The following EZH2 variants were observed in gnomAD, a reference collection of about 807,000 sequenced individuals.
The protein encoded by EZH2 is enhancer of zeste 2 polycomb repressive complex 2 subunit.
EZH2 carries 18 observed loss-of-function variants against 98.4 expected under a neutral mutation model. The observed-to-expected ratio is 0.18, with a 90% CI of 0.13 to 0.27. The LOEUF (loss-of-function observed/expected upper bound fraction) is 0.27, where lower values mean the gene tolerates loss of function less well. Ranked by LOEUF, EZH2 falls within the 10% of genes least tolerant of loss-of-function variation. The pLI is 1.00. For synonymous variants in EZH2, 338 were observed against 312.3 expected, an observed-to-expected ratio of 1.08 and a Z score of -0.87; for missense variants, 470 against 935.1, an observed-to-expected ratio of 0.50 and a Z score of 6.49.
intron 4 of EZH2, among the ~76,000 whole-genome samples, chr7:148,832,336 C>T (rs1477478378): frequency 4.6e-5 from 7 of 152,192 alleles, no homozygotes; most frequent in Non-Finnish European, 1.0e-4. Context: ...GCCTCAGCCT[C>T]CCAAAGTGCT....
At chr7:148,818,783 TG>T (rs1805255934) in intron 9 of EZH2, among the ~76,000 whole-genome samples, 1 of 152,104 alleles carries the variant, frequency 6.6e-6, no homozygotes, top group Non-Finnish European at 1.5e-5. Flanking sequence ...TATAAAACAA[TG>T]GTAAGAGCAT....
intron 15 of EZH2, among the ~76,000 whole-genome samples, chr7:148,813,330 T>TA (rs11357223): frequency 5.6e-4 from 82 of 146,158 alleles, no homozygotes; most frequent in East Asian, 2.2e-3. Context: ...TCATCTGCCC[T>TA]AAAAAAAAAA....
At chr7:148,861,731 G>T (rs911988009) in intron 1 of EZH2, among the ~76,000 whole-genome samples, 3 of 151,702 alleles carry the variant, frequency 2.0e-5, no homozygotes, top group Non-Finnish European at 4.4e-5. Context: ...AGCACTTTGC[G>T]GGGCTGAGGC....
intron 1 of EZH2, among the ~76,000 whole-genome samples, chr7:148,857,898 C>G (rs1316793763): frequency 6.6e-6 from 1 of 151,266 alleles, no homozygotes; most frequent in Non-Finnish European, 1.5e-5. Flanking sequence ...ATAACAGAAA[C>G]AAATTTTAAA....
chr7:148,827,679 T>G (rs185577419), intron 6 of EZH2, among the ~76,000 whole-genome samples: 2 of 152,348 alleles, frequency 1.3e-5, no homozygotes, highest in African/African-American at 4.8e-5. Context: ...GAAATTGCTA[T>G]TTCACCCGCC....
chr7:148,877,188 T>C (rs1820288370), intron 1 of EZH2, among the ~76,000 whole-genome samples: 1 of 152,120 alleles, frequency 6.6e-6, no homozygotes, highest in African/African-American at 2.4e-5. Context: ...TATTTGAAAA[T>C]TTGGGGAAGA....
At chr7:148,873,790 T>C (rs1040940129) in intron 1 of EZH2, among the ~76,000 whole-genome samples, 4 of 151,950 alleles carry the variant, frequency 2.6e-5, no homozygotes, top group East Asian at 3.9e-4. Flanking sequence ...ACTTACAATA[T>C]ACAAAAACCT....
At chr7:148,847,155 T>C in intron 2 of EZH2, 27 bp downstream of exon 2, 1 of 1,592,602 alleles carries the variant, frequency 6.3e-7, no homozygotes, top group Non-Finnish European at 8.5e-7. Context: ...AATTGTATAT[T>C]CATTTTCACA....
chr7:148,874,896 CAAA>C (rs546277839), intron 1 of EZH2, among the ~76,000 whole-genome samples: 4 of 81,436 alleles, frequency 4.9e-5, no homozygotes, highest in Non-Finnish European at 5.3e-5. Context: ...GACTCCGTCT[CAAA>C]AAAAAAAAAA....
intron 1 of EZH2, among the ~76,000 whole-genome samples, chr7:148,866,837 T>C (rs1818621194): frequency 6.7e-6 from 1 of 149,410 alleles, no homozygotes; most frequent in Non-Finnish European, 1.5e-5. Context: ...ACCTCAGCCT[T>C]CCAAGTAGCT....
At chr7:148,866,556 A>ATATATATACG (rs1563063346) in intron 1 of EZH2, among the ~76,000 whole-genome samples, 33 of 125,656 alleles carry the variant, frequency 2.6e-4, no homozygotes, top group African/African-American at 5.5e-4. Context: ...ATATATATAC[A>ATATATATACG]TATATACATA....
chr7:148,870,846 T>C (rs950157433), intron 1 of EZH2, among the ~76,000 whole-genome samples: 24 of 152,084 alleles, frequency 1.6e-4, no homozygotes, highest in African/African-American at 5.5e-4. Flanking sequence ...GGAGAATCAC[T>C]TGAACCCAGG....
chr7:148,829,961 T>G, intron 4 of EZH2, 113 bp from the exon 5 acceptor site: 2 of 678,160 alleles, frequency 2.9e-6, no homozygotes, highest in Non-Finnish European at 4.4e-6. Flanking sequence ...TTCTCCAGAT[T>G]TAAAATACTA....
intron 1 of EZH2, among the ~76,000 whole-genome samples, chr7:148,854,306 G>C (rs890804147): frequency 4.6e-5 from 7 of 152,004 alleles, no homozygotes; most frequent in African/African-American, 1.7e-4. Flanking sequence ...CGTGGTGGCG[G>C]GCACCTGTAG....
intron 8 of EZH2, among the ~76,000 whole-genome samples, chr7:148,823,466 C>T (rs1427683950): frequency 6.6e-6 from 1 of 152,090 alleles, no homozygotes; most frequent in Admixed American, 6.6e-5. Flanking sequence ...AGCCTGAATG[C>T]TATGCCACCA....
chr7:148,864,944 C>G (rs904225653), intron 1 of EZH2, among the ~76,000 whole-genome samples: 2 of 151,746 alleles, frequency 1.3e-5, no homozygotes, highest in Admixed American at 6.6e-5. Flanking sequence ...CTGGCCAACA[C>G]GGTAAAACCC....
chr7:148,882,078 A>C (rs754603682), intron 1 of EZH2, among the ~76,000 whole-genome samples: 1 of 152,266 alleles, frequency 6.6e-6, no homozygotes, highest in East Asian at 1.9e-4. Flanking sequence ...GATTATTAAT[A>C]GGATTTTTTA....
chr7:148,826,701 A>C, intron 7 of EZH2, 69 bp from the exon 8 acceptor site: 1 of 1,314,318 alleles, frequency 7.6e-7, no homozygotes, highest in Non-Finnish European at 1.0e-6. Context: ...CAGTTTCTAA[A>C]AGGTTTCCAT....
At chr7:148,878,256 A>G (rs1434787167) in intron 1 of EZH2, among the ~76,000 whole-genome samples, 2 of 152,146 alleles carry the variant, frequency 1.3e-5, no homozygotes, top group African/African-American at 2.4e-5. Context: ...TGTATTCATT[A>G]AACTCCCCAT....
Sources: gnomAD v4.1 joint callset for allele counts (sites outside exome capture counted in the v4.1 genomes callset) on GRCh38, gnomAD v4.1.1 for gene constraint, MANE v1.5 for transcripts, NCBI Gene and HGNC (gene_info 2026-07-23, HGNC 2026-07-21) for gene names.